ST3GAL6: variants seen among roughly 807,000 people sequenced by gnomAD.
The protein encoded by ST3GAL6 is type 2 lactosamine alpha-2,3-sialyltransferase.
A neutral mutation model predicts 40.5 loss-of-function variants in ST3GAL6; 31 were observed. The observed-to-expected ratio is 0.77, with a 90% confidence interval of 0.58 to 1.03. The LOEUF (loss-of-function observed/expected upper bound fraction) is 1.03, where lower values mean the gene tolerates loss of function less well. ST3GAL6 is among the 50% of genes least tolerant of loss of function. ST3GAL6 has a pLI of 0.00. For missense variants in ST3GAL6, 357 were observed against 393.2 expected, an observed-to-expected ratio of 0.91 and a Z score of 0.78; for synonymous variants, 129 against 136.9, an observed-to-expected ratio of 0.94 and a Z score of 0.40.
At chr3:98,753,688 A>T (rs1368640894) in intron 1 of ST3GAL6, among the ~76,000 whole-genome samples, 1 of 152,206 alleles carries the variant, frequency 6.6e-6, no homozygotes, top group African/African-American at 2.4e-5. Context: ...AAATCAGCCA[A>T]GTGCGGTAGC....
At chr3:98,733,377 C>G in intron 1 of ST3GAL6, 9 of 1,047,576 alleles carry the variant, frequency 8.6e-6, no homozygotes, top group Non-Finnish European at 1.0e-5. Context: ...GTCGAATCGC[C>G]GGCGAGGTTG....
intron 7 of ST3GAL6, 33 bp downstream of exon 7, chr3:98,788,255 ACCTTTAGTGC>A: frequency 6.3e-7 from 1 of 1,595,670 alleles, no homozygotes; most frequent in Admixed American, 1.7e-5. Context: ...CCTTCAGATT[ACCTTTAGTGC>A]TTTTTTTCCT....
chr3:98,769,651 C>A (rs1041528824), intron 2 of ST3GAL6, among the ~76,000 whole-genome samples: 43 of 152,324 alleles, frequency 2.8e-4, no homozygotes, highest in East Asian at 1.9e-4. Context: ...GACCATGTCA[C>A]TCCTCAGCTA....
At chr3:98,759,546 G>A (rs1174069895), upstream of ST3GAL6, among the ~76,000 whole-genome samples, 1 of 152,032 alleles carries the variant, frequency 6.6e-6, no homozygotes, top group African/African-American at 2.4e-5. Flanking sequence ...GGGAACCCGT[G>A]TAAAATGTTC....
intron 5 of ST3GAL6, among the ~76,000 whole-genome samples, chr3:98,776,527 G>A (rs1939567204): frequency 6.6e-6 from 1 of 152,194 alleles, no homozygotes; most frequent in Non-Finnish European, 1.5e-5. Context: ...TGATATTTAG[G>A]CTGGCTTGTC....
rs1050707621 is a variant in ST3GAL6 at position 98,733,007 on chromosome 3, C to G, written c.-12+475C>G. On this transcript the variant is annotated intron_variant, in intron 1 of 9. Transcript: ENST00000265261. ...CCGGCTTCGCTGCGGGTTTGCACTG[C>G]CCGGGTGAGGGAAATTGGGGGTGCG... 5.5e-6 allele frequency: 8 copies of G among 1,456,706 alleles called. No homozygotes were observed. The African/African-American group carries it at 1.0e-4, about 19-fold the overall frequency. The allele number at this position is 1,456,706 out of a possible 1,614,324, so 90.2% of individuals were successfully genotyped here.
chr3:98,759,292 G>A (rs537730870), upstream of ST3GAL6, among the ~76,000 whole-genome samples: 5 of 152,244 alleles, frequency 3.3e-5, no homozygotes, highest in East Asian at 9.6e-4. Context: ...CCTGTATTTA[G>A]GTGGACAGAG....
intron 6 of ST3GAL6, among the ~76,000 whole-genome samples, chr3:98,786,227 TGA>T (rs752183023): frequency 6.6e-6 from 1 of 151,136 alleles, no homozygotes; most frequent in South Asian, 2.1e-4. Context: ...AAGGAGAGAC[TGA>T]GAGAGAGAGA....
chr3:98,780,784 C>T (rs1446229096), intron 5 of ST3GAL6, among the ~76,000 whole-genome samples: 1 of 152,126 alleles, frequency 6.6e-6, no homozygotes, highest in Non-Finnish European at 1.5e-5. Context: ...CTACTCTTAC[C>T]ATGATACTCT....
intron 5 of ST3GAL6, among the ~76,000 whole-genome samples, chr3:98,783,904 A>G (rs569336201): frequency 2.0e-5 from 3 of 152,376 alleles, no homozygotes; most frequent in East Asian, 1.9e-4. Context: ...TTTAATGAAT[A>G]TAGGAGTGTG....
chr3:98,768,331 T>A, intron 1 of ST3GAL6, 99 bp from the exon 2 acceptor site: 1 of 860,908 alleles, frequency 1.2e-6, no homozygotes. Flanking sequence ...TAGTTCCTTT[T>A]GTATATTTTT....
intron 3 of ST3GAL6, 142 bp from the exon 4 acceptor site, chr3:98,772,671 A>T (rs1197331129): frequency 8.3e-6 from 4 of 483,288 alleles, no homozygotes; most frequent in Non-Finnish European, 1.5e-5. Context: ...AGTTATTTTT[A>T]AAAATTAAAA....
Position 98,741,222 on chromosome 3 carries a change from A to AT in ST3GAL6, c.-12+8702dup, listed in dbSNP as rs397968248. ...TCTCCGAATGTTCTTGAAATCTGAG[A>AT]TTTTTTTTTTTTATGGTTCAAAACA... On this transcript the variant is annotated intron_variant, in intron 1 of 9. Transcript: ENST00000265261. Among the ~76,000 whole-genome samples the AT allele has an allele frequency of 2.6e-3, 384 of 146,712 alleles. 2 individuals are homozygous for AT. The highest frequency in any genetic ancestry group is 4.3e-3 in the African/African-American group (175 of 40,262).
intron 1 of ST3GAL6, among the ~76,000 whole-genome samples, chr3:98,737,459 C>T (rs745757972): frequency 2.6e-5 from 4 of 152,158 alleles, no homozygotes; most frequent in African/African-American, 4.8e-5. Context: ...ACTGATTTCC[C>T]CTCTCTTTTC....
Position 98,763,373 on chromosome 3 carries a change from G to A in ST3GAL6, c.-78G>A, listed in dbSNP as rs1482871187. ...CTGAAGACCAGCAGAGACTAGGATG[G>A]ATGACGGCCTGTCCAGGGGCTGAAT... On this transcript the variant is annotated 5_prime_UTR_variant, in exon 1 of 10. Transcript: ENST00000483910. The A allele has an allele frequency of 7.8e-7, 1 of 1,289,836 alleles. No homozygotes were observed. The highest frequency in any genetic ancestry group is 1.2e-5 in the South Asian group (1 of 81,034). 79.9% of individuals were successfully genotyped at this position (1,289,836 alleles called of 1,614,324 possible). A position where few individuals can be genotyped will look rare whatever the true frequency, so the allele number is the denominator to read the frequency against.
At chr3:98,755,734 T>A (rs1438715418) in intron 1 of ST3GAL6, among the ~76,000 whole-genome samples, 1 of 152,194 alleles carries the variant, frequency 6.6e-6, no homozygotes, top group African/African-American at 2.4e-5. Context: ...GCATGCATTT[T>A]GTGTGTGCGT....
intron 1 of ST3GAL6, among the ~76,000 whole-genome samples, chr3:98,737,015 G>T (rs901367089): frequency 1.3e-5 from 2 of 152,118 alleles, no homozygotes; most frequent in African/African-American, 4.8e-5. Context: ...GCCTAATTCA[G>T]TCTTCACCCA....
chr3:98,777,661 ATGCC>A (rs1342559974), intron 5 of ST3GAL6, among the ~76,000 whole-genome samples: 1 of 152,194 alleles, frequency 6.6e-6, no homozygotes, highest in Non-Finnish European at 1.5e-5. Context: ...ATCTGTTTTT[ATGCC>A]TGGTCACTTT....
intron 8 of ST3GAL6, among the ~76,000 whole-genome samples, 159 bp from the exon 9 acceptor site, chr3:98,791,682 A>T (rs1941217920): frequency 6.6e-6 from 1 of 152,218 alleles, no homozygotes. Context: ...GTATATATGC[A>T]TACTCTTTGG....
Sources: gnomAD v4.1 joint callset for allele counts (sites outside exome capture counted in the v4.1 genomes callset) on GRCh38, gnomAD v4.1.1 for gene constraint, MANE v1.5 for transcripts, NCBI Gene and HGNC (gene_info 2026-07-23, HGNC 2026-07-21) for gene names.